Variants in SEC63 observed in about 807,000 individuals in gnomAD.
SEC63 encodes SEC63 protein translocation regulator.
Under a neutral mutation model 116.2 loss-of-function variants are expected in SEC63, and 56 were observed. The ratio of observed to expected loss-of-function variants is 0.48; its 90% confidence interval spans 0.39 to 0.60. SEC63 has a LOEUF of 0.60. SEC63 is among the 20% of genes least tolerant of loss of function. The pLI, the probability that SEC63 is intolerant of heterozygous loss-of-function variation, is 0.00. For missense variants in SEC63, 668 were observed against 900.0 expected (o/e 0.74, Z 3.30); for synonymous variants, 273 against 294.6 (o/e 0.93, Z 0.75).
At chr6:107,924,994 T>C in intron 2 of SEC63, 62 bp from the exon 3 acceptor site, 1 of 980,256 alleles carries the variant, frequency 1.0e-6, no homozygotes. Flanking sequence ...CTAAAGACAT[T>C]ATGGCAAGGT....
At chr6:107,910,573 C>T (rs146111664) in intron 7 of SEC63, among the ~76,000 whole-genome samples, 2,274 of 152,046 alleles carry the variant, frequency 0.015, 24 homozygotes, top group South Asian at 0.026. Context: ...TACATATACA[C>T]GTGTCATACA....
chr6:107,949,835 T>G (rs965457958), intron 1 of SEC63, among the ~76,000 whole-genome samples: 4 of 152,128 alleles, frequency 2.6e-5, no homozygotes, highest in Non-Finnish European at 5.9e-5. Context: ...CACGGTCTCA[T>G]TATGTTGCCC....
At chr6:107,937,606 T>TCC (rs1397335132) in intron 1 of SEC63, among the ~76,000 whole-genome samples, 1 of 152,224 alleles carries the variant, frequency 6.6e-6, no homozygotes, top group Non-Finnish European at 1.5e-5. Flanking sequence ...CTCAGTTCTT[T>TCC]GAGAAATCTG....
chr6:107,953,587 G>A (rs1454722019), intron 1 of SEC63, among the ~76,000 whole-genome samples: 3 of 145,164 alleles, frequency 2.1e-5, no homozygotes, highest in Non-Finnish European at 3.0e-5. Context: ...TCAGCCCCCC[G>A]CCCGGCCAGC....
At chr6:107,950,101 T>G (rs1770548641) in intron 1 of SEC63, among the ~76,000 whole-genome samples, 1 of 152,062 alleles carries the variant, frequency 6.6e-6, no homozygotes, top group Non-Finnish European at 1.5e-5. Flanking sequence ...GGAAAAAATA[T>G]TCCATGGAAA....
intron 4 of SEC63, among the ~76,000 whole-genome samples, chr6:107,918,575 C>T (rs905191901): frequency 2.6e-5 from 4 of 151,608 alleles, no homozygotes; most frequent in African/African-American, 4.8e-5. Context: ...GCCTGTAGTC[C>T]GAGCTACTCG....
At chr6:107,894,422 T>G (rs1317733451) in intron 14 of SEC63, among the ~76,000 whole-genome samples, 1 of 151,916 alleles carries the variant, frequency 6.6e-6, no homozygotes, top group Non-Finnish European at 1.5e-5. Context: ...GCCTATAATC[T>G]CAGCACCCTG....
chr6:107,900,914 G>A (rs1215891262), intron 13 of SEC63, among the ~76,000 whole-genome samples: 1 of 151,950 alleles, frequency 6.6e-6, no homozygotes, highest in Non-Finnish European at 1.5e-5. Flanking sequence ...ATAGAGGTAG[G>A]GCAAGAAAAA....
intron 16 of SEC63, among the ~76,000 whole-genome samples, chr6:107,892,046 G>A (rs1786695562): frequency 6.6e-6 from 1 of 152,228 alleles, no homozygotes; most frequent in African/African-American, 2.4e-5. Flanking sequence ...CACTTGAGGA[G>A]GCAGTCTGTC....
At chr6:107,932,411 C>T (rs1372500352) in intron 1 of SEC63, among the ~76,000 whole-genome samples, 3 of 152,134 alleles carry the variant, frequency 2.0e-5, no homozygotes, top group African/African-American at 7.2e-5. Flanking sequence ...CTTGTTACCA[C>T]CATGCTTAGA....
In SEC63 at chr6:107,881,130, T is replaced by C; in HGVS notation, c.1935+19A>G. On this transcript the variant is annotated intron_variant, in intron 18 of 20. Transcript: ENST00000369002. ...AAAGTGAATGGAATAAGGAACACAGTAGCCTGTATATAACTCACCTCAGGA... is the reference window on the plus strand; with the variant it reads ...AAAGTGAATGGAATAAGGAACACAGCAGCCTGTATATAACTCACCTCAGGA... The C allele has an allele frequency of 1.2e-5, 18 of 1,493,038 alleles. No individual in the cohort carries two copies. Among genetic ancestry groups the C allele is most frequent in the Non-Finnish European group, 1.7e-5 (18 of 1,071,522 alleles). The allele number at this position is 1,493,038 out of a possible 1,614,324, so 92.5% of individuals were successfully genotyped here. A position where few individuals can be genotyped will look rare whatever the true frequency, so the allele number is the denominator to read the frequency against.
Position 107,907,716 on chromosome 6 carries a change from T to C in SEC63, c.734-939A>G, listed in dbSNP as rs143580494. Among the ~76,000 whole-genome samples, 39 of 152,330 alleles carry C rather than the reference T, an allele frequency of 2.6e-4. No individual in the cohort carries two copies. In the East Asian group the frequency reaches 7.3e-3, roughly 29 times the overall value. ...TTCTTCATATCTGTGTATCTCAGCT[T>C]CTTCATATGTGCCTGACACACAGCA... On this transcript the variant is annotated intron_variant, in intron 8 of 20. Transcript: ENST00000369002.
chr6:107,924,138 C>A (rs969532664), intron 3 of SEC63, among the ~76,000 whole-genome samples: 1 of 150,940 alleles, frequency 6.6e-6, no homozygotes, highest in Non-Finnish European at 1.5e-5. Context: ...ATGGCAGGTG[C>A]CTGTAGTCCC....
At chr6:107,880,577 G>A (rs1012752307) in intron 18 of SEC63, among the ~76,000 whole-genome samples, 3 of 152,220 alleles carry the variant, frequency 2.0e-5, no homozygotes, top group South Asian at 2.1e-4. Flanking sequence ...CCTGTCCTGA[G>A]CCCGGGGCTC....
At position 107,871,619 on chromosome 6, in the gene SEC63, G is replaced by C; in HGVS notation, c.*85C>G. 1 of 1,284,532 alleles carries C rather than the reference G, an allele frequency of 7.8e-7. No homozygotes were observed. The highest frequency in any genetic ancestry group is 1.1e-6 in the Non-Finnish European group (1 of 886,624). The allele number at this position is 1,284,532 out of a possible 1,614,324, so 79.6% of individuals were successfully genotyped here. A position where few individuals can be genotyped will look rare whatever the true frequency, so the allele number is the denominator to read the frequency against. The stretch of plus-strand genomic sequence containing the variant: ...CTACACCTCCCTCAACATCAGTTCT[G>C]TACTGTTTCTGGTTTATGATACACT... On this transcript the variant is annotated 3_prime_UTR_variant, in exon 21 of 21. Transcript: ENST00000369002.
At chr6:107,941,526 A>G (rs1263012168) in intron 1 of SEC63, among the ~76,000 whole-genome samples, 1 of 152,098 alleles carries the variant, frequency 6.6e-6, no homozygotes, top group Non-Finnish European at 1.5e-5. Flanking sequence ...GAAGAAGGAA[A>G]AAGAAAGAAA....
chr6:107,882,001 C>A (rs1372564530), intron 17 of SEC63, among the ~76,000 whole-genome samples: 1 of 152,136 alleles, frequency 6.6e-6, no homozygotes, highest in Non-Finnish European at 1.5e-5. Context: ...AGGAATATGT[C>A]AATTCTTTCT....
intron 13 of SEC63, among the ~76,000 whole-genome samples, chr6:107,898,075 G>A (rs2114434984): frequency 6.6e-6 from 1 of 152,138 alleles, no homozygotes; most frequent in Middle Eastern, 3.4e-3. Context: ...GACCAGCAGG[G>A]CAACATGACA....
At chr6:107,907,678 A>G (rs530096760) in intron 8 of SEC63, among the ~76,000 whole-genome samples, 1 of 152,300 alleles carries the variant, frequency 6.6e-6, no homozygotes, top group Admixed American at 6.5e-5. Context: ...TAGCTAAATG[A>G]CCTAGGACAA....
Sources: gnomAD v4.1 joint callset for allele counts (sites outside exome capture counted in the v4.1 genomes callset) on GRCh38, gnomAD v4.1.1 for gene constraint, MANE v1.5 for transcripts, NCBI Gene and HGNC (gene_info 2026-07-23, HGNC 2026-07-21) for gene names.